Variants in PRICKLE2 observed in about 807,000 individuals in gnomAD.
The protein encoded by PRICKLE2 is prickle-like protein 2.
Under a neutral mutation model 81.4 loss-of-function variants are expected in PRICKLE2, and 21 were observed. The observed-to-expected ratio is 0.26, with a 90% CI of 0.18 to 0.37. PRICKLE2 has a LOEUF of 0.37. PRICKLE2 is among the 10% of genes least tolerant of loss of function. PRICKLE2 has a pLI of 1.00. For missense variants in PRICKLE2, 940 were observed against 1,109.0 expected (o/e 0.85, Z 2.16); for synonymous variants, 456 against 421.5 (o/e 1.08, Z -1.00).
Position 64,157,186 on chromosome 3 carries a change from C to T in PRICKLE2, c.576G>A (p.Lys192=), listed in dbSNP as rs756001921. Residue 192 remains lysine (K), a synonymous_variant, in exon 5 of 8, where the codon AAG becomes AAA. Coordinates refer to ENST00000638394, the MANE Select transcript of PRICKLE2 (RefSeq NM_198859.4). The part of the protein sequence containing the change: ...YCGRHHAECL[K]PRCAACDEII... ...CCTCATCGCAGGCAGCACAGCGCGG[C>T]TTCAGGCACTCAGCATGGTGCCTGC... 3.1e-6 allele frequency: 5 copies of T among 1,614,160 alleles called. No individual in the cohort carries two copies. The South Asian group carries it at 5.5e-5, about 18-fold the overall frequency.
rs2078641162 is a variant in PRICKLE2 at position 64,204,244 on chromosome 3, C to T, written c.-40-5277G>A. 4.0e-5 allele frequency among the ~76,000 whole-genome samples: 6 copies of T among 151,740 alleles called. No homozygotes were observed. In the Middle Eastern group the frequency reaches 0.021, roughly 527 times the overall value. The stretch of plus-strand genomic sequence containing the variant: ...CAGAAAGAAGCAGGATATGGGAGGT[C>T]AGGATGGGGAGGGGACATATACCGA... On this transcript the variant is annotated intron_variant, in intron 1 of 7. Transcript: ENST00000638394.
At chr3:64,246,078 C>CA (rs1319833178) in intron 2 of PRICKLE2, among the ~76,000 whole-genome samples, 2 of 151,942 alleles carry the variant, frequency 1.3e-5, no homozygotes, top group South Asian at 2.1e-4. Flanking sequence ...AACCCCTCTG[C>CA]AAAAAACACA....
Position 64,099,944 on chromosome 3 carries a change from G to A in PRICKLE2, c.1661-19C>T, listed in dbSNP as rs542772297. 1.8e-4 allele frequency: 283 copies of A among 1,613,346 alleles called. No individual in the cohort carries two copies. The highest frequency in any genetic ancestry group is 5.0e-4 in the Middle Eastern group (3 of 6,034). ...GAGAGGCCTGGGGAAGAGAGGAGGGGACCACAGAGATTAATACAGATGTGC... is the reference window on the plus strand; with the variant it reads ...GAGAGGCCTGGGGAAGAGAGGAGGGAACCACAGAGATTAATACAGATGTGC... On this transcript the variant is annotated intron_variant, in intron 7 of 7. Coordinates refer to ENST00000638394, the MANE Select transcript of PRICKLE2 (RefSeq NM_198859.4). This position sits in a 1 kb window ranked among gnomAD's most constrained non-coding sequence, Gnocchi z 4.3.
At chr3:64,150,195 A>G (rs1321137029) in intron 6 of PRICKLE2, among the ~76,000 whole-genome samples, 2 of 152,050 alleles carry the variant, frequency 1.3e-5, no homozygotes, top group African/African-American at 4.8e-5. Context: ...TGATGAACAC[A>G]GGTTCAAATC....
At chr3:64,222,319 G>T (rs1031872313) in intron 1 of PRICKLE2, among the ~76,000 whole-genome samples, 1 of 152,206 alleles carries the variant, frequency 6.6e-6, no homozygotes, top group Non-Finnish European at 1.5e-5. Context: ...AAGATCAGTA[G>T]CAACCAGGAA....
intron 2 of PRICKLE2, among the ~76,000 whole-genome samples, chr3:64,254,630 C>T (rs766448811): frequency 9.2e-5 from 14 of 152,220 alleles, no homozygotes; most frequent in South Asian, 2.1e-4. Flanking sequence ...CTTCCACCCA[C>T]GCAGTCCTAG....
At chr3:64,250,250 C>A (rs932929756) in intron 2 of PRICKLE2, among the ~76,000 whole-genome samples, 3 of 152,152 alleles carry the variant, frequency 2.0e-5, no homozygotes, top group Non-Finnish European at 4.4e-5. Context: ...ATGGATAATT[C>A]TTTGTTGGAG....
intron 2 of PRICKLE2, among the ~76,000 whole-genome samples, chr3:64,165,520 T>C (rs1387095244): frequency 6.6e-6 from 1 of 152,138 alleles, no homozygotes; most frequent in Non-Finnish European, 1.5e-5. Context: ...AATGGAACAA[T>C]CCAGATGCTT....
At chr3:64,123,079 C>G (rs2106970849) in intron 7 of PRICKLE2, among the ~76,000 whole-genome samples, 1 of 152,324 alleles carries the variant, frequency 6.6e-6, no homozygotes, top group Admixed American at 6.5e-5. Context: ...CAGCTCAGAG[C>G]TCCTACCCTT....
chr3:64,220,866 C>A (rs1444988872), intron 1 of PRICKLE2, among the ~76,000 whole-genome samples: 1 of 152,128 alleles, frequency 6.6e-6, no homozygotes, highest in Non-Finnish European at 1.5e-5. Context: ...AAGTTTACCC[C>A]CTACACCCAC....
chr3:64,150,855 T>A (rs960663647), intron 6 of PRICKLE2, among the ~76,000 whole-genome samples: 20 of 152,182 alleles, frequency 1.3e-4, no homozygotes, highest in African/African-American at 4.8e-4. Context: ...TAAAGCGGCC[T>A]GGCAGGCAGC....
chr3:64,142,553 C>T (rs2077380361), intron 7 of PRICKLE2, among the ~76,000 whole-genome samples: 1 of 152,092 alleles, frequency 6.6e-6, no homozygotes, highest in Admixed American at 6.6e-5. Context: ...TCAAGTGATC[C>T]ACCTGCCTTG....
intron 2 of PRICKLE2, among the ~76,000 whole-genome samples, chr3:64,188,449 C>A (rs2078275085): frequency 6.6e-6 from 1 of 152,166 alleles, no homozygotes; most frequent in Non-Finnish European, 1.5e-5. Context: ...GATTGTTGGG[C>A]TCCATCTTCA....
At chr3:64,164,530 G>A (rs184452) in intron 2 of PRICKLE2, among the ~76,000 whole-genome samples, 1 of 151,942 alleles carries the variant, frequency 6.6e-6, no homozygotes, top group African/African-American at 2.4e-5. Flanking sequence ...AGAAGAGGGG[G>A]TGAAAAGGCT....
At position 64,167,427 on chromosome 3, in the gene PRICKLE2, A is replaced by G. The variant is rs551154746; in HGVS notation, c.145-4298T>C. ...CATACTAGGTAACTTTCCCCTAAAC[A>G]AAAGCATTTTGAACACAATAAACTG... On this transcript the variant is annotated intron_variant, in intron 2 of 7. Transcript: ENST00000638394. Among the ~76,000 whole-genome samples the G allele has an allele frequency of 1.3e-4, 20 of 152,360 alleles. 1 individual carries two copies. Among genetic ancestry groups the G allele is most frequent in the African/African-American group, 4.3e-4 (18 of 41,588 alleles).
At chr3:64,102,841 A>G (rs2076689911) in intron 7 of PRICKLE2, 1 of 152,224 alleles carries the variant, frequency 6.6e-6, no homozygotes, top group African/African-American at 2.4e-5. Context: ...TGGTCAATTA[A>G]TAATGGTGAT....
chr3:64,223,647 A>C (rs2078989087), intron 1 of PRICKLE2, among the ~76,000 whole-genome samples: 1 of 152,228 alleles, frequency 6.6e-6, no homozygotes, highest in Non-Finnish European at 1.5e-5. Context: ...AGAATTCCCA[A>C]GGGGAAGGAG....
At position 64,146,957 on chromosome 3, in the gene PRICKLE2, C is replaced by T; in HGVS notation, c.1533G>A (p.Gly511=). The T allele has an allele frequency of 3.7e-6, 6 of 1,614,082 alleles. No individual in the cohort carries two copies. Among genetic ancestry groups the T allele is most frequent in the Non-Finnish European group, 5.1e-6 (6 of 1,179,996 alleles). The change falls in exon 7 of 8, where the codon GGG becomes GGA. Residue 511 remains glycine, a synonymous_variant. Transcript: ENST00000638394. ...TCCGACACTGCTGAGTGGACAAGCC[C>T]CCTTCCTCTTCCTCTTCCTCCTCAT... ...PKYEEEEEEE[G]GLSTQQCRTR... is the part of the protein sequence containing the mutation.
intron 2 of PRICKLE2, among the ~76,000 whole-genome samples, chr3:64,176,997 G>T (rs2078035528): frequency 6.6e-6 from 1 of 152,108 alleles, no homozygotes; most frequent in East Asian, 1.9e-4. Flanking sequence ...AGAAGGTTTG[G>T]TTTGGATGAG....
Sources: allele counts gnomAD v4.1 joint callset (sites outside exome capture counted in the v4.1 genomes callset), GRCh38; gene constraint gnomAD v4.1.1; non-coding constraint Gnocchi (gnomAD v3.1); transcripts MANE v1.5; gene names NCBI Gene and HGNC (gene_info 2026-07-23, HGNC 2026-07-21).